Variants in NAV2 observed in about 807,000 individuals in gnomAD.
NAV2 encodes the protein helicase, APC down-regulated 1.
Under a neutral mutation model 223.2 loss-of-function variants are expected in NAV2, and 54 were observed. The ratio of observed to expected loss-of-function variants is 0.24; its 90% CI spans 0.19 to 0.30. The LOEUF (loss-of-function observed/expected upper bound fraction) is 0.30, where lower values mean the gene tolerates loss of function less well. Ranked by LOEUF, NAV2 falls within the 10% of genes least tolerant of loss-of-function variation. The probability of loss-of-function intolerance (pLI) is 1.00; values close to 1 mark genes in which losing one functional copy is unlikely to be tolerated. For missense variants in NAV2, 2,806 were observed against 3,147.5 expected (o/e 0.89, Z 2.60); for synonymous variants, 1,279 against 1,239.3 (o/e 1.03, Z -0.67).
intron 1 of NAV2, among the ~76,000 whole-genome samples, chr11:19,807,116 C>T (rs552694727): frequency 1.1e-4 from 17 of 152,286 alleles, no homozygotes; most frequent in Admixed American, 7.2e-4. Flanking sequence ...GGACAAAGCC[C>T]GTGGAGTTTT....
intron 6 of NAV2, among the ~76,000 whole-genome samples, chr11:19,921,445 A>T (rs1167719227): frequency 6.6e-6 from 1 of 152,232 alleles, no homozygotes; most frequent in Non-Finnish European, 1.5e-5. Context: ...TATTTAAATG[A>T]CTGCTAAATT....
intron 1 of NAV2, among the ~76,000 whole-genome samples, chr11:19,474,253 G>T (rs888484981): frequency 1.3e-5 from 2 of 152,222 alleles, no homozygotes; most frequent in Non-Finnish European, 2.9e-5. Flanking sequence ...GCAATGCAAG[G>T]CCAGCCCAGT....
At chr11:19,653,642 G>A (rs1431561234) in intron 1 of NAV2, among the ~76,000 whole-genome samples, 1 of 152,186 alleles carries the variant, frequency 6.6e-6, no homozygotes, top group Non-Finnish European at 1.5e-5. Flanking sequence ...GGTAAGGCAT[G>A]ACAACAATAG....
chr11:19,687,775 GTA>G (rs1366218142), intron 1 of NAV2, among the ~76,000 whole-genome samples: 2 of 41,104 alleles, frequency 4.9e-5, no homozygotes, highest in Non-Finnish European at 1.5e-4. Flanking sequence ...GTGCATGTGT[GTA>G]TGCATGCGTG....
At chr11:19,482,877 C>T (rs2042323336) in intron 1 of NAV2, among the ~76,000 whole-genome samples, 1 of 152,198 alleles carries the variant, frequency 6.6e-6, no homozygotes, top group African/African-American at 2.4e-5. Context: ...CACAGATACA[C>T]ACTTGCATAT....
intron 19 of NAV2, chr11:20,056,380 C>T (rs965960630): frequency 3.4e-5 from 22 of 643,842 alleles, no homozygotes; most frequent in Non-Finnish European, 5.8e-5. Context: ...CGGGCAGCCA[C>T]GCCTTTCTGC....
chr11:20,028,729 TATAA>T (rs1413558640), intron 11 of NAV2, among the ~76,000 whole-genome samples: 1 of 152,150 alleles, frequency 6.6e-6, no homozygotes, highest in African/African-American at 2.4e-5. Flanking sequence ...GGTGGAATAA[TATAA>T]ATAATGTGCC....
At chr11:19,386,831 C>T (rs1849061818) in intron 1 of NAV2, among the ~76,000 whole-genome samples, 1 of 152,008 alleles carries the variant, frequency 6.6e-6, no homozygotes, top group Admixed American at 6.6e-5. Context: ...GAAATAATTT[C>T]CTGGAAAACA....
At chr11:19,421,865 G>T (rs1040579720) in intron 1 of NAV2, among the ~76,000 whole-genome samples, 1 of 151,456 alleles carries the variant, frequency 6.6e-6, no homozygotes, top group Non-Finnish European at 1.5e-5. Flanking sequence ...CCCCTGAGGG[G>T]CAGTGGTGAG....
intron 6 of NAV2, among the ~76,000 whole-genome samples, chr11:19,923,860 G>T (rs748208872): frequency 3.3e-5 from 5 of 152,158 alleles, no homozygotes; most frequent in Non-Finnish European, 2.9e-5. Context: ...TAAAGCAAAA[G>T]TTTTCTCCTG....
At chr11:19,725,241 C>T (rs955764880) in intron 1 of NAV2, among the ~76,000 whole-genome samples, 2 of 152,208 alleles carry the variant, frequency 1.3e-5, no homozygotes, top group African/African-American at 4.8e-5. Context: ...AGGTCACACA[C>T]CCAGTGAGTG....
chr11:19,926,653 A>C (rs901896748), intron 6 of NAV2, among the ~76,000 whole-genome samples: 12 of 142,502 alleles, frequency 8.4e-5, no homozygotes, highest in South Asian at 2.3e-4. Context: ...AAAAAAAAAA[A>C]ACAAAAAAAA....
chr11:19,443,908 ACTC>A (rs1851491666), intron 1 of NAV2, among the ~76,000 whole-genome samples: 1 of 151,868 alleles, frequency 6.6e-6, no homozygotes, highest in African/African-American at 2.4e-5. Context: ...ATAAGGGACA[ACTC>A]CTCTTATTAT....
chr11:19,994,539 AC>A (rs1378271566), intron 11 of NAV2, among the ~76,000 whole-genome samples: 2 of 146,644 alleles, frequency 1.4e-5, no homozygotes, highest in African/African-American at 5.1e-5. Flanking sequence ...AGAGCAAAAA[AC>A]TCTGTCTCAA....
chr11:19,372,778 A>C (rs1848515969), intron 1 of NAV2, among the ~76,000 whole-genome samples: 1 of 152,096 alleles, frequency 6.6e-6, no homozygotes. Flanking sequence ...AGGTTTCAGG[A>C]CCTCCTGGCC....
chr11:19,893,344 G>A (rs991455465), intron 6 of NAV2, among the ~76,000 whole-genome samples: 1 of 152,112 alleles, frequency 6.6e-6, no homozygotes, highest in African/African-American at 2.4e-5. Flanking sequence ...TTCCTTCTAG[G>A]CAAAGTAGTC....
intron 1 of NAV2, among the ~76,000 whole-genome samples, chr11:19,491,617 A>G (rs2042629207): frequency 6.6e-6 from 1 of 152,184 alleles, no homozygotes; most frequent in Non-Finnish European, 1.5e-5. Context: ...GTTGTGGATG[A>G]TTTGATCTTC....
At chr11:19,716,844 A>G (rs762919157) in intron 1 of NAV2, among the ~76,000 whole-genome samples, 17 of 152,218 alleles carry the variant, frequency 1.1e-4, no homozygotes, top group Admixed American at 2.0e-4. Context: ...GAATTGTTCT[A>G]AGGACTTTAC....
intron 1 of NAV2, among the ~76,000 whole-genome samples, chr11:19,437,536 A>G (rs1362089062): frequency 2.0e-5 from 3 of 152,124 alleles, no homozygotes; most frequent in Non-Finnish European, 1.5e-5. Context: ...TTAACTCTGG[A>G]AAATACTGGG....
Sources: gnomAD v4.1 joint callset for allele counts (sites outside exome capture counted in the v4.1 genomes callset) on GRCh38, gnomAD v4.1.1 for gene constraint, MANE v1.5 for transcripts, NCBI Gene and HGNC (gene_info 2026-07-23, HGNC 2026-07-21) for gene names.